The following STX8 variants were observed in gnomAD, a reference collection of about 807,000 sequenced individuals.
The protein encoded by STX8 is syntaxin 8, also known as syntaxin-8.
Under a neutral mutation model 37.5 loss-of-function variants are expected in STX8, and 23 were observed. That is an observed-to-expected ratio of 0.61 (90% CI 0.44 to 0.87). The LOEUF (loss-of-function observed/expected upper bound fraction) is 0.87. Among genes scored for constraint, STX8 ranks in the 40% least tolerant of loss-of-function variants. The probability of loss-of-function intolerance (pLI) is 0.00; values close to 1 mark genes in which losing one functional copy is unlikely to be tolerated. For synonymous variants in STX8, 115 were observed against 99.1 expected, an observed-to-expected ratio of 1.16 and a Z score of -0.95; for missense variants, 313 against 284.7, an observed-to-expected ratio of 1.10 and a Z score of -0.71.
intron 6 of STX8, among the ~76,000 whole-genome samples, chr17:9,381,924 G>A (rs1047468547): frequency 6.6e-6 from 1 of 152,104 alleles, no homozygotes; most frequent in Admixed American, 6.5e-5. Context: ...AGGTGAGATC[G>A]CATCACTGTA....
chr17:9,258,604 C>G (rs1906888437), intron 7 of STX8, among the ~76,000 whole-genome samples: 1 of 152,250 alleles, frequency 6.6e-6, no homozygotes, highest in South Asian at 2.1e-4. Flanking sequence ...CCTCTTGAAT[C>G]TATCTTACCC....
At chr17:9,255,198 C>T (rs1192471579) in intron 7 of STX8, among the ~76,000 whole-genome samples, 2 of 152,102 alleles carry the variant, frequency 1.3e-5, no homozygotes, top group Non-Finnish European at 2.9e-5. Flanking sequence ...AACTGTGCCC[C>T]AGGAAAGGCA....
intron 6 of STX8, among the ~76,000 whole-genome samples, chr17:9,423,974 G>A (rs1037361935): frequency 6.6e-6 from 1 of 152,076 alleles, no homozygotes; most frequent in South Asian, 2.1e-4. Context: ...CTTAGGCTTC[G>A]GCACACAAGT....
chr17:9,503,123 A>AAAAAAAAAC (rs1288945312), intron 5 of STX8, among the ~76,000 whole-genome samples: 4 of 151,090 alleles, frequency 2.6e-5, no homozygotes, highest in African/African-American at 9.7e-5. Flanking sequence ...AAAAAAAAAA[A>AAAAAAAAAC]AAAAGAGTGA....
intron 6 of STX8, among the ~76,000 whole-genome samples, chr17:9,389,779 A>G (rs1912147673): frequency 6.6e-6 from 1 of 152,122 alleles, no homozygotes. Flanking sequence ...AAAAAAATCT[A>G]TAGTGAAGAT....
At chr17:9,359,501 A>ATTTT (rs1567796890) in intron 7 of STX8, among the ~76,000 whole-genome samples, 2 of 111,644 alleles carry the variant, frequency 1.8e-5, no homozygotes, top group Non-Finnish European at 2.0e-5. Context: ...ATGCTGAGAC[A>ATTTT]TATTTTTTTT....
At chr17:9,421,993 C>T (rs916283685) in intron 6 of STX8, among the ~76,000 whole-genome samples, 3 of 152,132 alleles carry the variant, frequency 2.0e-5, no homozygotes, top group Non-Finnish European at 2.9e-5. Context: ...TTGTCTTCTG[C>T]CACGATTCTA....
intron 6 of STX8, among the ~76,000 whole-genome samples, chr17:9,420,171 C>T (rs74675382): frequency 0.017 from 2,638 of 152,268 alleles, 84 homozygotes; most frequent in African/African-American, 0.059. Context: ...GCACAGGGAC[C>T]GCACTCAGGA....
intron 7 of STX8, among the ~76,000 whole-genome samples, chr17:9,262,580 TTTTG>T (rs940620799): frequency 2.8e-5 from 4 of 142,796 alleles, no homozygotes; most frequent in Non-Finnish European, 4.4e-5. Context: ...TTTTGTTTTG[TTTTG>T]TTTTTTTGTT....
intron 6 of STX8, among the ~76,000 whole-genome samples, chr17:9,414,502 T>G (rs1410050367): frequency 6.6e-6 from 1 of 152,188 alleles, no homozygotes; most frequent in Non-Finnish European, 1.5e-5. Context: ...CATTGCAAAC[T>G]GGTAACAAAC....
chr17:9,403,130 G>A (rs529377395), intron 6 of STX8, among the ~76,000 whole-genome samples: 1 of 152,176 alleles, frequency 6.6e-6, no homozygotes, highest in Non-Finnish European at 1.5e-5. Flanking sequence ...CTGGACCAAG[G>A]AGATAAAGGA....
In STX8 at chr17:9,531,725, T is replaced by C. The variant is rs151173788; in HGVS notation, c.323+13447A>G. Among the ~76,000 whole-genome samples the C allele has an allele frequency of 3.6e-3, 543 of 152,330 alleles. 4 individuals carry two copies. Among genetic ancestry groups the C allele is most frequent in the Middle Eastern group, 0.034 (10 of 294 alleles). On this transcript the variant is annotated intron_variant, in intron 4 of 7. Coordinates refer to ENST00000306357, the MANE Select transcript of STX8 (RefSeq NM_004853.3). ...AGCAGGGGACTACTCTTTATTTATC[T>C]CTTCAGCTTTACTTAATTTCCCTAA...
At chr17:9,364,462 A>G (rs1038265940) in intron 7 of STX8, among the ~76,000 whole-genome samples, 1 of 152,168 alleles carries the variant, frequency 6.6e-6, no homozygotes, top group Non-Finnish European at 1.5e-5. Flanking sequence ...ACTTAAGAAG[A>G]GGGACCTGCC....
chr17:9,573,641 A>G (rs74676028), intron 1 of STX8, among the ~76,000 whole-genome samples: 1 of 152,160 alleles, frequency 6.6e-6, no homozygotes, highest in African/African-American at 2.4e-5. Context: ...TAAACTTTCT[A>G]AATTGACTGA....
chr17:9,287,011 C>A (rs1597584504), intron 7 of STX8, among the ~76,000 whole-genome samples: 1 of 152,154 alleles, frequency 6.6e-6, no homozygotes, highest in Non-Finnish European at 1.5e-5. Context: ...TGATGTATGT[C>A]ATGTGTTGAT....
chr17:9,516,334 T>C (rs1158660120), intron 4 of STX8, among the ~76,000 whole-genome samples: 1 of 129,322 alleles, frequency 7.7e-6, no homozygotes, highest in Non-Finnish European at 1.6e-5. Flanking sequence ...TATATATATA[T>C]ATATATATAG....
chr17:9,529,652 C>T (rs57338919), intron 4 of STX8, among the ~76,000 whole-genome samples: 6,657 of 152,260 alleles, frequency 0.044, 531 homozygotes, highest in African/African-American at 0.15. Context: ...CATCATATAG[C>T]ATGAACTGTG....
chr17:9,299,172 C>T (rs1908673123), intron 7 of STX8, among the ~76,000 whole-genome samples: 1 of 152,136 alleles, frequency 6.6e-6, no homozygotes, highest in Non-Finnish European at 1.5e-5. Context: ...CAAGCCTTCT[C>T]CAACACACAC....
chr17:9,445,643 G>C (rs7213569), intron 6 of STX8, among the ~76,000 whole-genome samples: 1 of 151,734 alleles, frequency 6.6e-6, no homozygotes, highest in South Asian at 2.1e-4. Context: ...AGCAGGTACC[G>C]TGTTTTATAA....
Sources: gnomAD v4.1 joint callset for allele counts (sites outside exome capture counted in the v4.1 genomes callset) on GRCh38, gnomAD v4.1.1 for gene constraint, MANE v1.5 for transcripts, NCBI Gene and HGNC (gene_info 2026-07-23, HGNC 2026-07-21) for gene names.